ATP6V1H: variants seen among roughly 807,000 people sequenced by gnomAD.
The protein encoded by ATP6V1H is V-type proton ATPase subunit H.
Under a neutral mutation model 71.7 loss-of-function variants are expected in ATP6V1H, and 39 were observed. The ratio of observed to expected loss-of-function variants is 0.54; its 90% CI spans 0.42 to 0.71. The LOEUF is 0.71. Among genes scored for constraint, ATP6V1H ranks in the 30% least tolerant of loss-of-function variants. ATP6V1H has a pLI of 0.00. For synonymous variants in ATP6V1H, 192 were observed against 199.3 expected (o/e 0.96, Z 0.31); for missense variants, 509 against 594.9 (o/e 0.86, Z 1.50).
intron 9 of ATP6V1H, among the ~76,000 whole-genome samples, chr8:53,781,899 T>C (rs1809148945): frequency 1.3e-5 from 2 of 152,254 alleles, no homozygotes; most frequent in East Asian, 1.9e-4. Flanking sequence ...CATTGGTTTA[T>C]ATCTCTGTTT....
chr8:53,809,542 TATG>T (rs1438463702), intron 7 of ATP6V1H, among the ~76,000 whole-genome samples: 2 of 152,238 alleles, frequency 1.3e-5, no homozygotes, highest in Non-Finnish European at 2.9e-5. Context: ...TTGGGATGTA[TATG>T]AATCTACCAG....
intron 12 of ATP6V1H, among the ~76,000 whole-genome samples, chr8:53,754,004 A>G (rs1807901956): frequency 6.6e-6 from 1 of 152,124 alleles, no homozygotes; most frequent in Admixed American, 6.5e-5. Context: ...CTAGTCCCCC[A>G]AGCCTCAATT....
intron 9 of ATP6V1H, among the ~76,000 whole-genome samples, chr8:53,789,160 A>C (rs1004060223): frequency 2.0e-5 from 3 of 152,232 alleles, no homozygotes; most frequent in African/African-American, 4.8e-5. Flanking sequence ...GATTCAATTA[A>C]TATCAACTAA....
At chr8:53,835,116 CCA>C (rs1811117083) in intron 2 of ATP6V1H, among the ~76,000 whole-genome samples, 1 of 152,112 alleles carries the variant, frequency 6.6e-6, no homozygotes, top group South Asian at 2.1e-4. Flanking sequence ...TCACTGCACT[CCA>C]GTTTGTGTGA....
chr8:53,835,986 C>A (rs1811146973), intron 2 of ATP6V1H, among the ~76,000 whole-genome samples: 1 of 152,182 alleles, frequency 6.6e-6, no homozygotes, highest in Non-Finnish European at 1.5e-5. Context: ...CCACACCCTA[C>A]AGGCGCAGAA....
intron 5 of ATP6V1H, among the ~76,000 whole-genome samples, chr8:53,817,168 TTCTA>T (rs941654539): frequency 5.9e-5 from 9 of 151,994 alleles, no homozygotes; most frequent in Non-Finnish European, 8.8e-5. Context: ...GTAATCACAA[TTCTA>T]TCTGTCAATT....
rs145949780 is a variant in ATP6V1H at position 53,772,031 on chromosome 8, T to C, written c.1007A>G (p.Lys336Arg). ...YDDEDISEDI[K>R]FLLEKLGESV... ...CTCTCCAAGTTTTTCCAAAAGAAATTTGATATCTTCGCTGATATCTTCATC... is the reference window on the plus strand; with the variant it reads ...CTCTCCAAGTTTTTCCAAAAGAAATCTGATATCTTCGCTGATATCTTCATC... The change falls in exon 10 of 14, where the codon AAA (lysine) becomes AGA (arginine). Residue 336 changes from lysine to arginine, a missense_variant. Lys to Arg is a conservative substitution (Grantham distance 26, BLOSUM62 2). Around this residue, in one of 2 missense-constraint regions of ATP6V1H, gnomAD observed 212 missense variants for 291.6 expected, o/e 0.73. Coordinates refer to ENST00000359530, the MANE Select transcript of ATP6V1H (RefSeq NM_015941.4). The C allele has an allele frequency of 1.1e-5, 18 of 1,614,046 alleles. No individual in the cohort carries two copies. Among genetic ancestry groups the C allele is most frequent in the Non-Finnish European group, 1.4e-5 (17 of 1,180,016 alleles).
intron 12 of ATP6V1H, among the ~76,000 whole-genome samples, chr8:53,752,950 A>G (rs1807853858): frequency 6.6e-6 from 1 of 152,192 alleles, no homozygotes; most frequent in African/African-American, 2.4e-5. Context: ...TGTAATTTAA[A>G]ATGTTTGAGT....
intron 6 of ATP6V1H, among the ~76,000 whole-genome samples, chr8:53,812,895 A>C (rs1177227709): frequency 6.6e-6 from 1 of 152,044 alleles, no homozygotes; most frequent in Admixed American, 6.5e-5. Flanking sequence ...GGGTTTTGCT[A>C]TGTTGCCCAG....
At chr8:53,717,089 T>A (rs540112024) in intron 13 of ATP6V1H, among the ~76,000 whole-genome samples, 1 of 152,104 alleles carries the variant, frequency 6.6e-6, no homozygotes. Context: ...CTATCGCCTA[T>A]CAACTGTGTG....
chr8:53,830,816 C>T (rs997653330), intron 3 of ATP6V1H, among the ~76,000 whole-genome samples: 5 of 152,304 alleles, frequency 3.3e-5, no homozygotes, highest in Middle Eastern at 3.4e-3. Flanking sequence ...AACACACATC[C>T]CCAGTCTCAC....
chr8:53,739,066 CCAGGTACCCAGAAAATTT>C (rs1807328536), intron 13 of ATP6V1H, among the ~76,000 whole-genome samples: 1 of 152,034 alleles, frequency 6.6e-6, no homozygotes, highest in South Asian at 2.1e-4. Flanking sequence ...CAGAAACAGA[CCAGGTACCCAGAAAATTT>C]CAGGTACCTA....
Position 53,792,436 on chromosome 8 carries a change from G to A in ATP6V1H, c.870+3211C>T, listed in dbSNP as rs560592996. Among the ~76,000 whole-genome samples the A allele has an allele frequency of 4.3e-4, 65 of 152,224 alleles. 1 individual carries two copies. Among genetic ancestry groups the A allele is most frequent in the African/African-American group, 1.1e-3 (44 of 41,542 alleles). On this transcript the variant is annotated intron_variant, in intron 9 of 13. Coordinates refer to ENST00000359530, the MANE Select transcript of ATP6V1H (RefSeq NM_015941.4). ...ACACTGAACACCACTCCTCCATGCC[G>A]TCCCTCACTCACTCAGCCCTTGCCA...
At chr8:53,798,238 G>A (rs1407360660) in intron 8 of ATP6V1H, among the ~76,000 whole-genome samples, 2 of 152,080 alleles carry the variant, frequency 1.3e-5, no homozygotes, top group African/African-American at 2.4e-5. Context: ...TAAGACCTCA[G>A]TTATCGGCCA....
At chr8:53,801,724 T>C in intron 8 of ATP6V1H, 75 bp downstream of exon 8, 1 of 1,184,258 alleles carries the variant, frequency 8.4e-7, no homozygotes. Flanking sequence ...TTTTAGATGA[T>C]TACATATTTC....
At chr8:53,723,363 C>A (rs998178631) in intron 13 of ATP6V1H, among the ~76,000 whole-genome samples, 1 of 152,184 alleles carries the variant, frequency 6.6e-6, no homozygotes, top group Non-Finnish European at 1.5e-5. Context: ...CCACCTCTCA[C>A]CATGGCTGGA....
At chr8:53,776,674 G>C (rs1405191438) in intron 9 of ATP6V1H, among the ~76,000 whole-genome samples, 1 of 152,116 alleles carries the variant, frequency 6.6e-6, no homozygotes, top group Non-Finnish European at 1.5e-5. Flanking sequence ...AAATTAATAA[G>C]CCTATGAAGA....
intron 7 of ATP6V1H, chr8:53,806,996 G>A (rs985218962): frequency 1.5e-5 from 5 of 334,438 alleles, no homozygotes; most frequent in Admixed American, 1.4e-4. Context: ...GTAATTGCCT[G>A]TGAGTTACTC....
intron 7 of ATP6V1H, among the ~76,000 whole-genome samples, chr8:53,803,208 G>C (rs1306587900): frequency 6.6e-6 from 1 of 151,932 alleles, no homozygotes; most frequent in African/African-American, 2.4e-5. Context: ...GTGGTGGCGT[G>C]CACCTGCAAT....
Sources: gnomAD v4.1 joint callset for allele counts (sites outside exome capture counted in the v4.1 genomes callset) on GRCh38, gnomAD v4.1.1 for gene constraint, gnomAD v4.1.1 regional missense constraint, MANE v1.5 for transcripts, NCBI Gene and HGNC (gene_info 2026-07-23, HGNC 2026-07-21) for gene names.